STK32B: variants seen among roughly 807,000 people sequenced by gnomAD.
STK32B encodes serine/threonine-protein kinase 32B.
STK32B carries 43 observed loss-of-function variants against 52.6 expected under a neutral mutation model. The observed-to-expected ratio is 0.82, with a 90% CI of 0.64 to 1.05. STK32B has a LOEUF of 1.05. STK32B is among the 50% of genes least tolerant of loss of function. The pLI, the probability that STK32B is intolerant of heterozygous loss-of-function variation, is 0.00. For missense variants in STK32B, 621 were observed against 534.6 expected, an observed-to-expected ratio of 1.16 and a Z score of -1.59; for synonymous variants, 238 against 204.3, an observed-to-expected ratio of 1.17 and a Z score of -1.41.
chr4:5,420,593 A>T (rs1328957769), intron 6 of STK32B, among the ~76,000 whole-genome samples: 4 of 152,144 alleles, frequency 2.6e-5, no homozygotes. Context: ...ACCTGCCAGC[A>T]CTGAGATGCA....
chr4:5,121,446 A>G (rs1220719285), intron 1 of STK32B, among the ~76,000 whole-genome samples: 2 of 152,158 alleles, frequency 1.3e-5, no homozygotes, highest in Non-Finnish European at 2.9e-5. Context: ...TCTATTAAGG[A>G]TTAGGGAACA....
At chr4:5,388,469 G>A (rs1286483894) in intron 4 of STK32B, among the ~76,000 whole-genome samples, 2 of 152,194 alleles carry the variant, frequency 1.3e-5, no homozygotes, top group African/African-American at 2.4e-5. Flanking sequence ...TGCTGTTCAT[G>A]TGTGAGGGGC....
intron 11 of STK32B, among the ~76,000 whole-genome samples, chr4:5,484,534 C>T (rs945711892): frequency 3.3e-5 from 5 of 152,148 alleles, no homozygotes; most frequent in African/African-American, 1.2e-4. Context: ...GGTCTTGACT[C>T]TTTATCCAGT....
intron 3 of STK32B, among the ~76,000 whole-genome samples, chr4:5,327,325 G>T (rs139112457): frequency 1.3e-5 from 2 of 149,628 alleles, no homozygotes; most frequent in Non-Finnish European, 3.0e-5. Flanking sequence ...CTAGTATGGC[G>T]AATCCTTTCC....
At chr4:5,048,734 T>C (rs1433533187), upstream of STK32B, among the ~76,000 whole-genome samples, 1 of 152,262 alleles carries the variant, frequency 6.6e-6, no homozygotes, top group Non-Finnish European at 1.5e-5. Flanking sequence ...GGCCAATTTC[T>C]GCATTGAAAT....
intron 7 of STK32B, 53 bp from the exon 8 acceptor site, chr4:5,456,754 G>A (rs1047763246): frequency 2.0e-5 from 28 of 1,430,714 alleles, no homozygotes; most frequent in East Asian, 7.2e-5. Context: ...AAATGCGGAC[G>A]GTGCCTTCCA....
Position 5,251,460 on chromosome 4 carries a change from C to T in STK32B, c.261-79760C>T, listed in dbSNP as rs575193229. Among the ~76,000 whole-genome samples, 4 of 152,258 alleles carry T rather than the reference C, an allele frequency of 2.6e-5. No individual in the cohort carries two copies. In the East Asian group the frequency reaches 7.7e-4, roughly 29 times the overall value. On this transcript the variant is annotated intron_variant, in intron 3 of 11. Coordinates refer to ENST00000282908, the MANE Select transcript of STK32B (RefSeq NM_018401.3). ...TGATCTGGTATTTTTGTACCAGTAC[C>T]ATGCTATTTTGTTTACTGTAGCCCT...
Position 5,051,756 on chromosome 4 carries a change from A to C in STK32B, c.-108A>C. 3.4e-6 allele frequency: 5 copies of C among 1,490,558 alleles called. No individual in the cohort carries two copies. In the South Asian group the frequency reaches 6.5e-5, roughly 19 times the overall value. 92.3% of individuals were successfully genotyped at this position (1,490,558 alleles called of 1,614,324 possible). On this transcript the variant is annotated 5_prime_UTR_variant, in exon 1 of 12. Coordinates refer to ENST00000282908, the MANE Select transcript of STK32B (RefSeq NM_018401.3). Reference sequence around the variant, plus strand: ...CCCCTCGGGCTCCGCGCGCGGCTACAACCCGGACTGGGCGCGCCCCCGGCA... The same window carrying C: ...CCCCTCGGGCTCCGCGCGCGGCTACCACCCGGACTGGGCGCGCCCCCGGCA...
At chr4:5,037,529 T>C in the STK32B span, among the ~76,000 whole-genome samples, 1 of 152,226 alleles carries the variant, frequency 6.6e-6, no homozygotes, top group East Asian at 1.9e-4. Flanking sequence ...GCTGGAACCC[T>C]GAGCCCTCCA....
chr4:5,094,431 T>C (rs1012155092), intron 1 of STK32B, among the ~76,000 whole-genome samples: 4 of 151,950 alleles, frequency 2.6e-5, no homozygotes, highest in African/African-American at 4.8e-5. Context: ...GGTGGGAGGA[T>C]TGTTTGAGCC....
chr4:5,211,451 C>A (rs1193700150), intron 3 of STK32B, among the ~76,000 whole-genome samples: 1 of 152,100 alleles, frequency 6.6e-6, no homozygotes, highest in Non-Finnish European at 1.5e-5. Context: ...GTCTTGTCAA[C>A]AATGGGATGA....
chr4:5,223,126 G>A (rs1298006751), intron 3 of STK32B, among the ~76,000 whole-genome samples: 1 of 152,212 alleles, frequency 6.6e-6, no homozygotes, highest in Non-Finnish European at 1.5e-5. Context: ...CCCAGGTGCA[G>A]CTTGGACTGC....
chr4:5,327,759 A>C (rs1199020185), intron 3 of STK32B, among the ~76,000 whole-genome samples: 1 of 152,224 alleles, frequency 6.6e-6, no homozygotes, highest in East Asian at 1.9e-4. Context: ...CCAGCTGCTA[A>C]AACAAGAGAG....
At chr4:5,096,356 T>C (rs1322362027) in intron 1 of STK32B, among the ~76,000 whole-genome samples, 1 of 152,188 alleles carries the variant, frequency 6.6e-6, no homozygotes, top group Non-Finnish European at 1.5e-5. Context: ...TGATTGGCTG[T>C]TGGTAACGGT....
chr4:5,414,806 G>C (rs901093203), intron 5 of STK32B, among the ~76,000 whole-genome samples: 1 of 152,192 alleles, frequency 6.6e-6, no homozygotes, highest in Non-Finnish European at 1.5e-5. Context: ...AGACATTGAG[G>C]GGCTTAAAGG....
intron 2 of STK32B, among the ~76,000 whole-genome samples, chr4:5,143,737 T>C (rs1317281663): frequency 6.6e-6 from 1 of 152,100 alleles, no homozygotes; most frequent in Admixed American, 6.6e-5. Flanking sequence ...CCCTCCAAAC[T>C]GGCCAGCATG....
chr4:5,354,494 G>T (rs1284092254), intron 4 of STK32B, among the ~76,000 whole-genome samples: 3 of 152,194 alleles, frequency 2.0e-5, no homozygotes, highest in Non-Finnish European at 4.4e-5. Flanking sequence ...TCAAACTCCT[G>T]ACTTCAGGTG....
intron 1 of STK32B, among the ~76,000 whole-genome samples, chr4:5,119,317 C>T (rs1714903779): frequency 6.6e-6 from 1 of 152,228 alleles, no homozygotes; most frequent in African/African-American, 2.4e-5. Flanking sequence ...ACTTGATATT[C>T]TCTTAGCTGG....
At chr4:5,286,495 G>T (rs1185016265) in intron 3 of STK32B, among the ~76,000 whole-genome samples, 1 of 152,122 alleles carries the variant, frequency 6.6e-6, no homozygotes, top group African/African-American at 2.4e-5. Flanking sequence ...AAACACTGTA[G>T]TGATTTTTAA....
Sources: allele counts gnomAD v4.1 joint callset (sites outside exome capture counted in the v4.1 genomes callset), GRCh38; gene constraint gnomAD v4.1.1; transcripts MANE v1.5; gene names NCBI Gene and HGNC (gene_info 2026-07-23, HGNC 2026-07-21).